Variants in DOK6 observed in about 807,000 individuals in gnomAD.
The protein encoded by DOK6 is docking protein 6.
A neutral mutation model predicts 44.0 loss-of-function variants in DOK6; 22 were observed. That is an observed-to-expected ratio of 0.50 (90% CI 0.36 to 0.71). The LOEUF is 0.71. DOK6 is among the 30% of genes least tolerant of loss of function. The pLI is 0.00. For synonymous variants in DOK6, 166 were observed against 145.5 expected (o/e 1.14, Z -1.01); for missense variants, 340 against 416.4 (o/e 0.82, Z 1.60).
intron 7 of DOK6, among the ~76,000 whole-genome samples, chr18:69,775,421 A>G (rs1014595146): frequency 1.3e-5 from 2 of 151,988 alleles, no homozygotes; most frequent in African/African-American, 4.8e-5. Context: ...TAGAATTAAA[A>G]TAGTTGATAG....
At chr18:69,579,571 C>CT (rs11463109) in intron 2 of DOK6, among the ~76,000 whole-genome samples, 68,388 of 147,538 alleles carry the variant, frequency 0.46, 15,897 homozygotes, top group East Asian at 0.56. Context: ...GCCAACTTTT[C>CT]TTTTTTTTTT....
intron 1 of DOK6, among the ~76,000 whole-genome samples, chr18:69,406,939 G>A (rs750814205): frequency 6.6e-5 from 10 of 152,120 alleles, no homozygotes; most frequent in Non-Finnish European, 1.2e-4. Flanking sequence ...AAATTAGCGG[G>A]GTGCAGAGGC....
chr18:69,535,819 C>G (rs1982107866), intron 1 of DOK6, among the ~76,000 whole-genome samples: 1 of 152,042 alleles, frequency 6.6e-6, no homozygotes, highest in Non-Finnish European at 1.5e-5. Context: ...CTACAGAGTT[C>G]TGAGTCACAG....
intron 3 of DOK6, chr18:69,618,741 C>G (rs1359152155): frequency 1.3e-5 from 2 of 152,164 alleles, no homozygotes; most frequent in African/African-American, 2.4e-5. Flanking sequence ...CAATTATCTC[C>G]CACCAGCTCC....
intron 1 of DOK6, among the ~76,000 whole-genome samples, chr18:69,498,615 T>C (rs761676201): frequency 2.6e-5 from 4 of 152,250 alleles, no homozygotes; most frequent in Non-Finnish European, 5.9e-5. Context: ...ACTTAGTGTA[T>C]AAGTTACCCC....
chr18:69,519,223 G>A (rs1216949950), intron 1 of DOK6, among the ~76,000 whole-genome samples: 1 of 151,986 alleles, frequency 6.6e-6, no homozygotes, highest in Non-Finnish European at 1.5e-5. Flanking sequence ...ATAGAAAATT[G>A]TTTTGAACAT....
intron 3 of DOK6, among the ~76,000 whole-genome samples, chr18:69,618,153 A>G (rs1984356606): frequency 6.6e-6 from 1 of 152,198 alleles, no homozygotes; most frequent in Non-Finnish European, 1.5e-5. Flanking sequence ...TCAGCCCTCC[A>G]GAAGAAGCCA....
Position 69,808,426 on chromosome 18 carries a change from T to G in DOK6, c.857-32818T>G, listed in dbSNP as rs866691122. 6.9e-5 allele frequency among the ~76,000 whole-genome samples: 7 copies of G among 101,136 alleles called. No individual in the cohort carries two copies. The South Asian group carries it at 1.6e-3, about 24-fold the overall frequency. 66.3% of individuals were successfully genotyped at this position (101,136 alleles called of 152,430 possible). A position where few individuals can be genotyped will look rare whatever the true frequency, so the allele number is the denominator to read the frequency against. Reference sequence around the variant, plus strand: ...TAAAGTTAGCAGAAGGAAGGAATAATAAAGATCAGACTCAAAGTAAACGAG... The same window carrying G: ...TAAAGTTAGCAGAAGGAAGGAATAAGAAAGATCAGACTCAAAGTAAACGAG... On this transcript the variant is annotated intron_variant, in intron 7 of 7. Transcript: ENST00000382713.
chr18:69,712,007 C>T (rs564149216), intron 5 of DOK6, among the ~76,000 whole-genome samples: 49 of 152,010 alleles, frequency 3.2e-4, no homozygotes, highest in African/African-American at 1.1e-3. Flanking sequence ...TTCGGCCGGG[C>T]GCGGTGGCTC....
At chr18:69,508,548 T>C (rs1013450323) in intron 1 of DOK6, among the ~76,000 whole-genome samples, 7 of 152,178 alleles carry the variant, frequency 4.6e-5, no homozygotes, top group Non-Finnish European at 1.0e-4. Context: ...TCAGTGGAGA[T>C]GTAAAGGTCA....
At chr18:69,438,832 A>T (rs1979056140) in intron 1 of DOK6, among the ~76,000 whole-genome samples, 6 of 152,168 alleles carry the variant, frequency 3.9e-5, no homozygotes. Context: ...GCACTTTGAG[A>T]GGCCAAAGTG....
intron 3 of DOK6, among the ~76,000 whole-genome samples, chr18:69,652,351 T>G (rs1008581991): frequency 2.6e-5 from 4 of 152,200 alleles, no homozygotes; most frequent in African/African-American, 9.7e-5. Flanking sequence ...AGACGAATAT[T>G]CCACATAAAT....
intron 1 of DOK6, among the ~76,000 whole-genome samples, chr18:69,531,540 A>G (rs1330634341): frequency 6.6e-6 from 1 of 151,636 alleles, no homozygotes; most frequent in African/African-American, 2.4e-5. Context: ...TAAATGAAGG[A>G]CGTGAACAGC....
chr18:69,734,949 G>A (rs1978553809), intron 5 of DOK6, among the ~76,000 whole-genome samples: 1 of 152,258 alleles, frequency 6.6e-6, no homozygotes, highest in South Asian at 2.1e-4. Flanking sequence ...AGAGGGCGTG[G>A]TCTAGTAGTT....
Position 69,401,200 on chromosome 18 carries a change from T to TCTCGACG in DOK6, c.-44_-43insTCGACGC. On this transcript the variant is annotated 5_prime_UTR_variant, in exon 1 of 8. Transcript: ENST00000382713. ...CCGGCGGCGGACGGCGGCTCTCGACTCCGGAGAGCGGATCGCGGGGCGCAG... is the reference window on the plus strand; with the variant it reads ...CCGGCGGCGGACGGCGGCTCTCGACTCTCGACGCCGGAGAGCGGATCGCGGGGCGCAG... 6.6e-7 allele frequency: 1 copy of TCTCGACG among 1,518,008 alleles called. No homozygotes were observed. The highest frequency in any genetic ancestry group is 8.8e-7 in the Non-Finnish European group (1 of 1,133,388). 94.0% of individuals were successfully genotyped at this position (1,518,008 alleles called of 1,614,324 possible). A position where few individuals can be genotyped will look rare whatever the true frequency, so the allele number is the denominator to read the frequency against.
At chr18:69,566,331 T>C (rs1982982008) in intron 2 of DOK6, among the ~76,000 whole-genome samples, 1 of 152,104 alleles carries the variant, frequency 6.6e-6, no homozygotes, top group South Asian at 2.1e-4. Context: ...AGAGACGGGA[T>C]TTCACCGTGT....
At chr18:69,436,040 C>T (rs1054738790) in intron 1 of DOK6, among the ~76,000 whole-genome samples, 3 of 151,938 alleles carry the variant, frequency 2.0e-5, no homozygotes, top group Non-Finnish European at 4.4e-5. Context: ...TATGTCCTGT[C>T]TTATAATTAC....
At chr18:69,622,774 G>T (rs1371054879) in intron 3 of DOK6, among the ~76,000 whole-genome samples, 1 of 152,104 alleles carries the variant, frequency 6.6e-6, no homozygotes, top group Admixed American at 6.5e-5. Flanking sequence ...ATTGTCTAAG[G>T]CATATAAATG....
intron 1 of DOK6, among the ~76,000 whole-genome samples, chr18:69,416,111 A>C (rs1188606193): frequency 3.7e-5 from 5 of 135,698 alleles, no homozygotes; most frequent in Non-Finnish European, 7.9e-5. Flanking sequence ...GGAGAGAGGG[A>C]TGGAGGGAGG....
Sources: allele counts gnomAD v4.1 joint callset (sites outside exome capture counted in the v4.1 genomes callset), GRCh38; gene constraint gnomAD v4.1.1; transcripts MANE v1.5; gene names NCBI Gene and HGNC (gene_info 2026-07-23, HGNC 2026-07-21).